IL3RA: variants seen among roughly 807,000 people sequenced by gnomAD.
IL3RA encodes the protein interleukin-3 receptor subunit alpha.
In IL3RA, 73 loss-of-function variants were observed where a neutral mutation model predicts 52.3. The ratio of observed to expected loss-of-function variants is 1.40; its 90% CI spans 1.16 to 1.70. The LOEUF (loss-of-function observed/expected upper bound fraction) is 1.70. IL3RA is among the 40% of genes most tolerant of loss of function. The pLI, the probability that IL3RA is intolerant of heterozygous loss-of-function variation, is 0.00. For synonymous variants in IL3RA, 260 were observed against 194.0 expected, an observed-to-expected ratio of 1.34 and a Z score of -2.83; for missense variants, 664 against 504.4, an observed-to-expected ratio of 1.32 and a Z score of -3.03.
intron 2 of IL3RA, among the ~76,000 whole-genome samples, chrX:1,344,164 T>G (rs1398204085): frequency 6.6e-6 from 1 of 152,084 alleles, no homozygotes; most frequent in Non-Finnish European, 1.5e-5. Flanking sequence ...CCAGGCTCAG[T>G]AACTCACGTC....
chrX:1,343,029 C>T (rs1322190122), intron 2 of IL3RA, among the ~76,000 whole-genome samples: 2 of 151,660 alleles, frequency 1.3e-5, no homozygotes, highest in Non-Finnish European at 2.9e-5. Flanking sequence ...GAGCCTAGAT[C>T]ACGCCATTGC....
chrX:1,341,709 A>G lies in IL3RA; in HGVS notation c.-38-19A>G. On this transcript the variant is annotated intron_variant, in intron 1 of 11. Coordinates refer to ENST00000331035, the MANE Select transcript of IL3RA (RefSeq NM_002183.4). Reference sequence around the variant, plus strand: ...TTTCACAGCCAGTCCCCGCTGCCTGACTCTCGTTTCTCCTGCAGCAGGCAC... The same window carrying G: ...TTTCACAGCCAGTCCCCGCTGCCTGGCTCTCGTTTCTCCTGCAGCAGGCAC... The G allele has an allele frequency of 1.2e-6, 2 of 1,601,276 alleles. No individual in the cohort carries two copies. The highest frequency in any genetic ancestry group is 1.7e-6 in the Non-Finnish European group (2 of 1,169,640).
intron 1 of IL3RA, among the ~76,000 whole-genome samples, chrX:1,341,255 A>G (rs62605662): frequency 0.93 from 141,663 of 151,646 alleles, 66,568 homozygotes; most frequent in Non-Finnish European, 0.99. Context: ...AGCCGAGATC[A>G]TGCCACTGCA....
Position 1,382,374 on chromosome X carries a change from T to C in IL3RA, c.1063-17T>C. ...TGGGGGGTGGCCGACTCACCCTGCC[T>C]CCTCTCGTCTCTGCAGGTGGTCTGG... On this transcript the variant is annotated splice_polypyrimidine_tract_variant and intron_variant, in intron 11 of 11. Coordinates refer to ENST00000331035, the MANE Select transcript of IL3RA (RefSeq NM_002183.4). 4 of 1,611,462 alleles carry C rather than the reference T, an allele frequency of 2.5e-6. No individual in the cohort carries two copies. The highest frequency in any genetic ancestry group is 3.4e-6 in the Non-Finnish European group (4 of 1,177,956).
intron 7 of IL3RA, among the ~76,000 whole-genome samples, chrX:1,356,798 T>C (rs1249190584): frequency 1.3e-5 from 2 of 151,980 alleles, no homozygotes; most frequent in East Asian, 3.9e-4. Context: ...TTTGAGACTG[T>C]ATGTGGTCTG....
chrX:1,344,913 A>G (rs750172264), intron 2 of IL3RA, among the ~76,000 whole-genome samples: 2 of 150,996 alleles, frequency 1.3e-5, no homozygotes, highest in East Asian at 4.0e-4. Flanking sequence ...CTGTAATCCC[A>G]GCACTTTGGG....
chrX:1,361,841 C>G (rs1473897801), intron 8 of IL3RA, among the ~76,000 whole-genome samples: 1 of 151,828 alleles, frequency 6.6e-6, no homozygotes, highest in Non-Finnish European at 1.5e-5. Context: ...ATTCACTACC[C>G]CGAGAACAGT....
At chrX:1,347,884 A>G (rs756916741) in intron 3 of IL3RA, among the ~76,000 whole-genome samples, 130 of 151,288 alleles carry the variant, frequency 8.6e-4, no homozygotes, top group Non-Finnish European at 1.5e-3. Flanking sequence ...TAAAAATATA[A>G]AAATTAGCCG....
intron 3 of IL3RA, among the ~76,000 whole-genome samples, chrX:1,345,749 C>T (rs1473401172): frequency 1.3e-5 from 2 of 151,906 alleles, no homozygotes; most frequent in South Asian, 2.1e-4. Flanking sequence ...CTCGGCCTCC[C>T]AAAGTGCTGG....
At chrX:1,337,335 G>A (rs184433797) in intron 1 of IL3RA, among the ~76,000 whole-genome samples, 258 of 152,260 alleles carry the variant, frequency 1.7e-3, no homozygotes, top group African/African-American at 5.9e-3. Context: ...CGCCCAGGGC[G>A]AGCTGACTGC....
rs187906974 is a variant in IL3RA at position 1,336,945 on chromosome X, G to C, written c.-39+19G>C. On this transcript the variant is annotated intron_variant, in intron 1 of 11. Coordinates refer to ENST00000331035, the MANE Select transcript of IL3RA (RefSeq NM_002183.4). ...ATTTAAGGTAAGGTCCCCCCTCCAG[G>C]GTGGGATGAGGGAAAAAGAGGGCAG... 6.6e-6 allele frequency: 1 copy of C among 152,346 alleles called. No individual in the cohort carries two copies. Among genetic ancestry groups the C allele is most frequent in the East Asian group, 1.9e-4 (1 of 5,170 alleles). The allele number at this position is 152,346 out of a possible 1,614,324, so 9.4% of individuals were successfully genotyped here. A position where few individuals can be genotyped will look rare whatever the true frequency, so the allele number is the denominator to read the frequency against.
At chrX:1,351,067 T>C (rs1238314236) in intron 4 of IL3RA, among the ~76,000 whole-genome samples, 1 of 148,176 alleles carries the variant, frequency 6.7e-6, no homozygotes, top group Non-Finnish European at 1.5e-5. Flanking sequence ...ATTAGCTGGG[T>C]GTGGTAGTGG....
chrX:1,367,527 C>T (rs867942844), intron 9 of IL3RA, among the ~76,000 whole-genome samples: 50 of 56,940 alleles, frequency 8.8e-4, no homozygotes, highest in Non-Finnish European at 1.3e-3. Flanking sequence ...GCGCGGGGTG[C>T]GCGGGGTGCG....
rs774449349 is a variant in IL3RA, at chrX:1,341,787, C to T, written c.22C>T (p.Leu8=). 6.2e-7 allele frequency: 1 copy of T among 1,613,968 alleles called. No homozygotes were observed. The highest frequency in any genetic ancestry group is 1.1e-5 in the South Asian group (1 of 91,082). ...CCCGATGGTCCTCCTTTGGCTCACG[C>T]TGCTCCTGATCGCCCTGCCCTGTCT... MVLLWLT[L]LLIALPCLLQ... is the part of the protein sequence containing the mutation. Residue 8 remains leucine (L), a synonymous_variant, in exon 2 of 12, where the codon CTG becomes TTG. Transcript: ENST00000331035.
chrX:1,355,112 A>AGAGGAGGAG (rs753456162), intron 6 of IL3RA, among the ~76,000 whole-genome samples: 1 of 31,346 alleles, frequency 3.2e-5, no homozygotes, highest in Non-Finnish European at 5.5e-5. Flanking sequence ...GAGCGGGAGG[A>AGAGGAGGAG]GAGGAGGAGG....
chrX:1,379,323 T>C (rs1199855807), intron 10 of IL3RA, among the ~76,000 whole-genome samples: 1 of 151,822 alleles, frequency 6.6e-6, no homozygotes, highest in African/African-American at 2.4e-5. Flanking sequence ...ACCCAACTAA[T>C]TCTTGTATTT....
At chrX:1,353,264 T>C (rs111471132) in intron 6 of IL3RA, among the ~76,000 whole-genome samples, 1,117 of 16,210 alleles carry the variant, frequency 0.069, 17 homozygotes, top group African/African-American at 0.16. Context: ...TGGGATCCCT[T>C]ATCATGGATT....
At chrX:1,357,836 C>T (rs2086854111) in intron 7 of IL3RA, among the ~76,000 whole-genome samples, 1 of 149,254 alleles carries the variant, frequency 6.7e-6, no homozygotes, top group Non-Finnish European at 1.5e-5. Flanking sequence ...GGTGCAGTAG[C>T]TTACGCCTGT....
chrX:1,354,660 GGGAGGAAGA>G (rs2086497665), intron 6 of IL3RA, among the ~76,000 whole-genome samples: 1 of 91,254 alleles, frequency 1.1e-5, no homozygotes, highest in African/African-American at 4.8e-5. Context: ...AGATGGGGAG[GGGAGGAAGA>G]GGAGGAAGAG....
Sources: allele counts gnomAD v4.1 joint callset (sites outside exome capture counted in the v4.1 genomes callset), GRCh38; gene constraint gnomAD v4.1.1; transcripts MANE v1.5; gene names NCBI Gene and HGNC (gene_info 2026-07-23, HGNC 2026-07-21).